The following GCSH variants were observed in gnomAD, a reference collection of about 807,000 sequenced individuals.
The protein encoded by GCSH is glycine cleavage system H protein, mitochondrial.
Under a neutral mutation model 21.3 loss-of-function variants are expected in GCSH, and 15 were observed. The observed-to-expected ratio is 0.70, with a 90% confidence interval of 0.47 to 1.08. The LOEUF (loss-of-function observed/expected upper bound fraction) is 1.08. Ranked by LOEUF, GCSH falls within the 50% of genes least tolerant of loss-of-function variation. GCSH has a pLI of 0.00. For missense variants in GCSH, 179 were observed against 217.5 expected, an observed-to-expected ratio of 0.82 and a Z score of 1.11; for synonymous variants, 59 against 84.5, an observed-to-expected ratio of 0.70 and a Z score of 1.66.
At position 81,082,312 on chromosome 16, in the gene GCSH, A is replaced by G. The variant is rs1248227155; in HGVS notation, c.*554T>C. 2.3e-6 allele frequency: 1 copy of G among 443,936 alleles called. No individual in the cohort carries two copies. The highest frequency in any genetic ancestry group is 4.5e-6 in the Non-Finnish European group (1 of 221,370). The allele number at this position is 443,936 out of a possible 1,614,324, so 27.5% of individuals were successfully genotyped here. ...GTTACTAAATGAAATATTAACATCA[A>G]AACAAACATGATTAACGAAGAAGTA... is the stretch of plus-strand genomic sequence containing the variant. On this transcript the variant is annotated 3_prime_UTR_variant, in exon 5 of 5. Coordinates refer to ENST00000315467, the MANE Select transcript of GCSH (RefSeq NM_004483.5).
Position 81,096,348 on chromosome 16 carries a change from G to C in GCSH, c.-70C>G. The C allele has an allele frequency of 7.7e-7, 1 of 1,298,730 alleles. No homozygotes were observed. The highest frequency in any genetic ancestry group is 1.9e-5 in the South Asian group (1 of 53,658). The allele number at this position is 1,298,730 out of a possible 1,614,324, so 80.5% of individuals were successfully genotyped here. On this transcript the variant is annotated 5_prime_UTR_variant, in exon 1 of 5. Transcript: ENST00000315467. ...GCGCCGGGAGGCGGGGCGGGGAGGG[G>C]CAGTTCGCGGCCGGAGGGAGCCGGC...
chr16:81,086,454 G>A (rs935655473), intron 3 of GCSH, among the ~76,000 whole-genome samples: 5 of 152,190 alleles, frequency 3.3e-5, no homozygotes, highest in African/African-American at 1.2e-4. Context: ...CTACTTGGGT[G>A]GCTGAAAAAG....
chr16:81,083,036 A>ACC (rs1972201330), intron 4 of GCSH, 73 bp from the exon 5 acceptor site: 5 of 923,426 alleles, frequency 5.4e-6, no homozygotes, highest in South Asian at 3.9e-5. Context: ...ACGTAAAATA[A>ACC]ATTTCTGAGC....
intron 4 of GCSH, 157 bp from the exon 5 acceptor site, chr16:81,083,120 T>G: frequency 5.9e-6 from 4 of 677,834 alleles, no homozygotes; most frequent in Non-Finnish European, 1.1e-5. Context: ...CCTTAAGAAT[T>G]AAAATACTTG....
intron 2 of GCSH, among the ~76,000 whole-genome samples, chr16:81,088,699 C>A (rs1220856129): frequency 6.6e-6 from 1 of 152,186 alleles, no homozygotes; most frequent in Non-Finnish European, 1.5e-5. Context: ...CTGCGCCCGG[C>A]AAACACTGCT....
intron 1 of GCSH, among the ~76,000 whole-genome samples, chr16:81,095,233 C>T (rs1160061865): frequency 2.0e-5 from 3 of 152,152 alleles, no homozygotes. Context: ...TTTCAGCAAG[C>T]ACACACATGA....
intron 4 of GCSH, chr16:81,084,189 G>A: frequency 1.8e-6 from 1 of 561,932 alleles, no homozygotes; most frequent in Non-Finnish European, 3.1e-6. Context: ...ATGTTGCCCA[G>A]GCTGGTCTCC....
In GCSH at chr16:81,082,204, C is replaced by T; in HGVS notation, c.*662G>A. 1 of 454,032 alleles carries T rather than the reference C, an allele frequency of 2.2e-6. No individual in the cohort carries two copies. Among genetic ancestry groups the T allele is most frequent in the Non-Finnish European group, 4.4e-6 (1 of 226,752 alleles). 28.1% of individuals were successfully genotyped at this position (454,032 alleles called of 1,614,324 possible). ...GACTAAAGAAAACATTTTCTTGGAG[C>T]TTTGCATTGTTCTGGCTTAAATTTC... On this transcript the variant is annotated 3_prime_UTR_variant, in exon 5 of 5. Coordinates refer to ENST00000315467, the MANE Select transcript of GCSH (RefSeq NM_004483.5).
chr16:81,094,811 T>A (rs1388615702), intron 1 of GCSH, among the ~76,000 whole-genome samples: 2 of 152,104 alleles, frequency 1.3e-5, no homozygotes, highest in Non-Finnish European at 2.9e-5. Flanking sequence ...TAAAGAAAAT[T>A]GTTGGCCTGG....
intron 1 of GCSH, chr16:81,091,293 T>C (rs1460117300): frequency 1.4e-5 from 5 of 350,566 alleles, no homozygotes; most frequent in East Asian, 7.7e-5. Context: ...ACCTTGAAGA[T>C]AGCACTACCA....
intron 1 of GCSH, chr16:81,091,316 G>C (rs1375198092): frequency 2.9e-6 from 1 of 339,140 alleles, no homozygotes; most frequent in African/African-American, 2.2e-5. Context: ...GCTTAAAGAA[G>C]AAAATTAAGA....
intron 3 of GCSH, among the ~76,000 whole-genome samples, chr16:81,087,100 C>T (rs928160688): frequency 3.9e-5 from 6 of 151,972 alleles, no homozygotes; most frequent in African/African-American, 7.3e-5. Flanking sequence ...GAGTCTTGCT[C>T]TGTTGCCCAG....
At position 81,084,482 on chromosome 16, in the gene GCSH, G is replaced by A; in HGVS notation, c.405C>T (p.Asn135=). The A allele has an allele frequency of 6.2e-7, 1 of 1,610,214 alleles. No homozygotes were observed. Among genetic ancestry groups the A allele is most frequent in the Non-Finnish European group, 8.5e-7 (1 of 1,176,530 alleles). The change falls in exon 4 of 5, where the codon AAC becomes AAT. Residue 135 remains asparagine (N), a synonymous_variant. Transcript: ENST00000315467. ...EALAENPGLV[N]KSCYEDGWLI... ...GCTTACCATCTTCATAACAAGATTT[G>A]TTTACAAGTCCTGGATTTTCTGCAA...
chr16:81,086,501 G>A (rs562432643), intron 3 of GCSH, among the ~76,000 whole-genome samples: 2 of 152,150 alleles, frequency 1.3e-5, no homozygotes, highest in Admixed American at 1.3e-4. Flanking sequence ...AGGTTGCAGT[G>A]AGCCAATGTC....
At chr16:81,084,957 C>T (rs1410687015) in intron 3 of GCSH, among the ~76,000 whole-genome samples, 5 of 149,848 alleles carry the variant, frequency 3.3e-5, no homozygotes, top group Admixed American at 1.3e-4. Context: ...TGCCGTGATC[C>T]GCCCGCCTCG....
chr16:81,093,940 C>T (rs773174885), intron 1 of GCSH, among the ~76,000 whole-genome samples: 5 of 152,090 alleles, frequency 3.3e-5, no homozygotes, highest in Admixed American at 6.6e-5. Context: ...CTCACTCTGT[C>T]GCCCAAGCTG....
chr16:81,095,647 G>A (rs1972490183), intron 1 of GCSH, among the ~76,000 whole-genome samples: 1 of 152,172 alleles, frequency 6.6e-6, no homozygotes, highest in African/African-American at 2.4e-5. Flanking sequence ...GAGCCAACGC[G>A]CCCTGCCTGG....
rs1275735781 is a variant in GCSH, at chr16:81,082,139, T to C, written c.*727A>G. On this transcript the variant is annotated 3_prime_UTR_variant, in exon 5 of 5. Transcript: ENST00000315467. ...GTTGGTGATTTATTTTTTATTATGT[T>C]AAAGGTGACAGATCTTGGCTTAAGA... The C allele has an allele frequency of 8.8e-6, 4 of 453,970 alleles. No homozygotes were observed. The highest frequency in any genetic ancestry group is 1.8e-5 in the Non-Finnish European group (4 of 226,796). The allele number at this position is 453,970 out of a possible 1,614,324, so 28.1% of individuals were successfully genotyped here. A position where few individuals can be genotyped will look rare whatever the true frequency, so the allele number is the denominator to read the frequency against.
rs189272724 is a variant in GCSH, at chr16:81,081,985, C to T, written c.*881G>A. ...CTTCAGTCCTTGTCCACTTTTATTC[C>T]CATGACTTAAGTGGAAACCTGAACG... On this transcript the variant is annotated 3_prime_UTR_variant, in exon 5 of 5. Transcript: ENST00000315467. 2 of 452,726 alleles carry T rather than the reference C, an allele frequency of 4.4e-6. No individual in the cohort carries two copies. Among genetic ancestry groups the T allele is most frequent in the Non-Finnish European group, 8.9e-6 (2 of 225,960 alleles). 28.0% of individuals were successfully genotyped at this position (452,726 alleles called of 1,614,324 possible).
Sources: gnomAD v4.1 joint callset for allele counts (sites outside exome capture counted in the v4.1 genomes callset) on GRCh38, gnomAD v4.1.1 for gene constraint, MANE v1.5 for transcripts, NCBI Gene and HGNC (gene_info 2026-07-23, HGNC 2026-07-21) for gene names.